GRIK2: variants seen among roughly 807,000 people sequenced by gnomAD.
GRIK2 encodes the protein glutamate receptor ionotropic, kainate 2.
A neutral mutation model predicts 100.3 loss-of-function variants in GRIK2; 32 were observed. The observed-to-expected ratio is 0.32, with a 90% CI of 0.24 to 0.43. GRIK2 has a LOEUF of 0.43. Among genes scored for constraint, GRIK2 ranks in the 20% least tolerant of loss-of-function variants. GRIK2 has a pLI of 1.00. For missense variants in GRIK2, 843 were observed against 1,114.9 expected, an observed-to-expected ratio of 0.76 and a Z score of 3.47; for synonymous variants, 417 against 389.4, an observed-to-expected ratio of 1.07 and a Z score of -0.83.
chr6:101,424,441 T>C (rs1776589707), intron 2 of GRIK2, among the ~76,000 whole-genome samples: 2 of 151,530 alleles, frequency 1.3e-5, no homozygotes, highest in Non-Finnish European at 2.9e-5. Context: ...GTCCTTGCGA[T>C]AGTTTGCTAA....
chr6:101,585,594 A>G (rs974093498), intron 2 of GRIK2, among the ~76,000 whole-genome samples: 1 of 152,082 alleles, frequency 6.6e-6, no homozygotes, highest in Non-Finnish European at 1.5e-5. Context: ...CCACTTAAAG[A>G]ACACATGCAA....
At chr6:101,649,545 C>A (rs951762144) in intron 4 of GRIK2, among the ~76,000 whole-genome samples, 1 of 152,104 alleles carries the variant, frequency 6.6e-6, no homozygotes, top group African/African-American at 2.4e-5. Context: ...TCAGCTTTCA[C>A]CCTTCTAGAA....
At position 101,889,248 on chromosome 6, in the gene GRIK2, C is replaced by G. The variant is rs551371318; in HGVS notation, c.1525-392C>G. Among the ~76,000 whole-genome samples the G allele has an allele frequency of 2.0e-5, 3 of 151,728 alleles. No individual in the cohort carries two copies. The South Asian group carries it at 6.3e-4, about 32-fold the overall frequency. ...GTTATTATTACTATTATAATTTGACCAATGTATTAAGAAAATAATTAATAT... is the reference window on the plus strand; with the variant it reads ...GTTATTATTACTATTATAATTTGACGAATGTATTAAGAAAATAATTAATAT... On this transcript the variant is annotated intron_variant, in intron 11 of 16. Coordinates refer to ENST00000369134, the MANE Select transcript of GRIK2 (RefSeq NM_021956.5).
intron 12 of GRIK2, among the ~76,000 whole-genome samples, chr6:101,891,247 G>C (rs1456477389): frequency 6.6e-6 from 1 of 151,690 alleles, no homozygotes; most frequent in Admixed American, 6.6e-5. Context: ...GGCCGGGTGT[G>C]GTTGCTCACG....
intron 7 of GRIK2, among the ~76,000 whole-genome samples, chr6:101,730,950 G>C (rs187145778): frequency 6.6e-6 from 1 of 151,878 alleles, no homozygotes; most frequent in Non-Finnish European, 1.5e-5. Flanking sequence ...CACACACTGC[G>C]ATTTACTTGA....
intron 7 of GRIK2, among the ~76,000 whole-genome samples, chr6:101,784,377 C>G (rs2128403541): frequency 6.6e-6 from 1 of 152,366 alleles, no homozygotes; most frequent in South Asian, 2.1e-4. Flanking sequence ...TTGGAAGTAA[C>G]TAACATGCTT....
chr6:101,739,458 GCACA>G (rs1775886897), intron 7 of GRIK2, among the ~76,000 whole-genome samples: 1 of 152,172 alleles, frequency 6.6e-6, no homozygotes, highest in Non-Finnish European at 1.5e-5. Flanking sequence ...ACGGTGAGTA[GCACA>G]CTTGGGTTCT....
At chr6:101,975,793 G>GTCTATCTATCTA (rs71028092) in intron 14 of GRIK2, among the ~76,000 whole-genome samples, 1 of 96,936 alleles carries the variant, frequency 1.0e-5, no homozygotes, top group African/African-American at 3.5e-5. Context: ...CTGTCTGTCT[G>GTCTATCTATCTA]TCTATCTATC....
At chr6:101,511,396 G>T (rs1265603488) in intron 2 of GRIK2, among the ~76,000 whole-genome samples, 1 of 152,042 alleles carries the variant, frequency 6.6e-6, no homozygotes, top group African/African-American at 2.4e-5. Flanking sequence ...ATTATAATTA[G>T]ATTGCTCTGA....
chr6:101,904,126 T>C (rs1159036728), intron 12 of GRIK2, among the ~76,000 whole-genome samples: 1 of 150,822 alleles, frequency 6.6e-6, no homozygotes, highest in Non-Finnish European at 1.5e-5. Context: ...GTTAACTTTC[T>C]GAATCAAAGA....
chr6:102,004,256 C>T (rs994819707), intron 14 of GRIK2, among the ~76,000 whole-genome samples: 1 of 144,812 alleles, frequency 6.9e-6, no homozygotes, highest in South Asian at 2.2e-4. Flanking sequence ...CTTTATGTCC[C>T]TTATATATCC....
chr6:101,696,288 A>G (rs2128349657), intron 7 of GRIK2, among the ~76,000 whole-genome samples: 1 of 151,776 alleles, frequency 6.6e-6, no homozygotes, highest in South Asian at 2.1e-4. Context: ...AACTTGGCAT[A>G]TAATAAAATT....
rs142733223 is a variant in GRIK2 at position 101,690,395 on chromosome 6, A to G, written c.951+4042A>G. On this transcript the variant is annotated intron_variant, in intron 7 of 16. Transcript: ENST00000369134. Reference sequence around the variant, plus strand: ...CCAACCGCTATCTCCATTTCCTTTCACCTCAAAAATCATTAAGCACTGTCA... The same window carrying G: ...CCAACCGCTATCTCCATTTCCTTTCGCCTCAAAAATCATTAAGCACTGTCA... Among the ~76,000 whole-genome samples, 385 of 152,122 alleles carry G rather than the reference A, an allele frequency of 2.5e-3. 6 individuals are homozygous for G. The highest frequency in any genetic ancestry group is 9.0e-3 in the African/African-American group (374 of 41,526).
rs115007508 is a variant in GRIK2 at position 101,762,754 on chromosome 6, G to A, written c.952-36894G>A. Among the ~76,000 whole-genome samples the A allele has an allele frequency of 4.1e-3, 621 of 152,254 alleles. 4 individuals are homozygous for A. The highest frequency in any genetic ancestry group is 0.015 in the African/African-American group (605 of 41,544). ...TTTCTAATTCAAGATGCTAATTACA[G>A]CTTTCTTGTCCAGTTAATATTCAGC... On this transcript the variant is annotated intron_variant, in intron 7 of 16. Transcript: ENST00000369134.
intron 10 of GRIK2, among the ~76,000 whole-genome samples, chr6:101,831,384 C>T (rs1412385089): frequency 1.3e-5 from 2 of 151,962 alleles, no homozygotes; most frequent in African/African-American, 2.4e-5. Flanking sequence ...TTTTCTTGTT[C>T]TTCCTGGTAT....
At chr6:101,553,370 A>G (rs960485927) in intron 2 of GRIK2, among the ~76,000 whole-genome samples, 1 of 152,172 alleles carries the variant, frequency 6.6e-6, no homozygotes, top group East Asian at 1.9e-4. Flanking sequence ...GAACTGTCAT[A>G]TTTCAAATAT....
intron 2 of GRIK2, among the ~76,000 whole-genome samples, chr6:101,553,330 GTTAA>G (rs1776599309): frequency 6.6e-6 from 1 of 152,024 alleles, no homozygotes; most frequent in Non-Finnish European, 1.5e-5. Context: ...TTTAAAATGT[GTTAA>G]TTAAAGGGAT....
chr6:101,777,375 C>T (rs189913781), intron 7 of GRIK2, among the ~76,000 whole-genome samples: 254 of 152,268 alleles, frequency 1.7e-3, no homozygotes, highest in Admixed American at 2.6e-3. Context: ...ATTGTCTGTC[C>T]CATTTAGGCT....
chr6:101,728,039 T>C (rs1774995991), intron 7 of GRIK2, among the ~76,000 whole-genome samples: 1 of 152,012 alleles, frequency 6.6e-6, no homozygotes, highest in Non-Finnish European at 1.5e-5. Flanking sequence ...CCTGTCCAAA[T>C]GCAGAAAAAA....
Sources: allele counts gnomAD v4.1 joint callset (sites outside exome capture counted in the v4.1 genomes callset), GRCh38; gene constraint gnomAD v4.1.1; transcripts MANE v1.5; gene names NCBI Gene and HGNC (gene_info 2026-07-23, HGNC 2026-07-21).